Variants in TUBB8B observed in about 807,000 individuals in gnomAD.
TUBB8B encodes tubulin beta 8B.
A neutral mutation model predicts 31.9 loss-of-function variants in TUBB8B; 26 were observed. The ratio of observed to expected loss-of-function variants is 0.81; its 90% CI spans 0.60 to 1.13. The LOEUF (loss-of-function observed/expected upper bound fraction) is 1.13. TUBB8B is among the 50% of genes most tolerant of loss of function. The pLI is 0.00. For synonymous variants in TUBB8B, 173 were observed against 231.0 expected (o/e 0.75, Z 2.28); for missense variants, 467 against 586.7 (o/e 0.80, Z 2.11).
chr18:57,008 C>G, the TUBB8B span, among the ~76,000 whole-genome samples: 2 of 151,804 alleles, frequency 1.3e-5, no homozygotes, highest in African/African-American at 4.8e-5. Context: ...TGATGCCAAA[C>G]TGTTCATGGA....
chr18:57,733 T>C, the TUBB8B span, among the ~76,000 whole-genome samples: 1 of 151,912 alleles, frequency 6.6e-6, no homozygotes, highest in Admixed American at 6.6e-5. Flanking sequence ...ATTTCTTCAC[T>C]GCATTGTTTT....
At chr18:72,177 C>CAAAA in the TUBB8B span, among the ~76,000 whole-genome samples, 31 of 78,714 alleles carry the variant, frequency 3.9e-4, no homozygotes, top group Non-Finnish European at 6.9e-4. Flanking sequence ...GACTCCATCT[C>CAAAA]AAAAAAAAAA....
chr18:58,975 C>A, the TUBB8B span, among the ~76,000 whole-genome samples: 1 of 151,594 alleles, frequency 6.6e-6, no homozygotes, highest in Non-Finnish European at 1.5e-5. Flanking sequence ...AGCAAAAAAA[C>A]AGAGGGGCAA....
upstream of TUBB8B, among the ~76,000 whole-genome samples, chr18:52,913 C>T (rs1388187895): frequency 1.3e-5 from 2 of 151,754 alleles, no homozygotes; most frequent in Non-Finnish European, 2.9e-5. Context: ...TTGGAAGGTG[C>T]AGATGTACTC....
chr18:70,060 G>A, the TUBB8B span, among the ~76,000 whole-genome samples: 2 of 152,092 alleles, frequency 1.3e-5, no homozygotes, highest in South Asian at 2.1e-4. Flanking sequence ...AAGAGGCTGA[G>A]GACGAATTGC....
In TUBB8B at chr18:47,748, A is replaced by C. The variant is rs753736696; in HGVS notation, c.977T>G (p.Val326Gly). 6.2e-7 allele frequency: 1 copy of C among 1,610,956 alleles called. No individual in the cohort carries two copies. The highest frequency in any genetic ancestry group is 8.5e-7 in the Non-Finnish European group (1 of 1,178,726). ...IFRGRMPMREVDEQMFNIQDK... is the reference protein window; with the variant it reads ...IFRGRMPMREGDEQMFNIQDK... The stretch of plus-strand genomic sequence containing the variant: ...TTGAATGTTGAACATTTGTTCATCC[A>C]CCTCCCTCATGGGCATGCGACCCCT... Residue 326 changes from valine to glycine, a missense_variant, in exon 4 of 4, where the codon GTG becomes GGG. Transcript: ENST00000308911.
the TUBB8B span, among the ~76,000 whole-genome samples, chr18:59,709 A>G: frequency 6.6e-6 from 1 of 151,216 alleles, no homozygotes; most frequent in Non-Finnish European, 1.5e-5. Context: ...CCACCTGGCT[A>G]ATTTTTGTAT....
the TUBB8B span, among the ~76,000 whole-genome samples, chr18:57,893 G>A: frequency 3.3e-5 from 5 of 151,944 alleles, no homozygotes; most frequent in Non-Finnish European, 7.4e-5. Context: ...CCATATGAAA[G>A]CTACCAAGGC....
the TUBB8B span, among the ~76,000 whole-genome samples, chr18:73,063 C>T: frequency 1.3e-5 from 2 of 152,094 alleles, no homozygotes. Context: ...ACATCCCCAC[C>T]GCCCGACGGC....
chr18:67,052 G>A, the TUBB8B span, among the ~76,000 whole-genome samples: 1 of 150,396 alleles, frequency 6.6e-6, no homozygotes, highest in Non-Finnish European at 1.5e-5. Flanking sequence ...GTGGAGTGCA[G>A]TGGCAAGATC....
chr18:63,220 G>C, the TUBB8B span, among the ~76,000 whole-genome samples: 2 of 151,744 alleles, frequency 1.3e-5, no homozygotes, highest in East Asian at 3.9e-4. Context: ...GCATTGAAGA[G>C]TTCAGTCTTT....
chr18:69,307 A>C, the TUBB8B span, among the ~76,000 whole-genome samples: 53 of 151,432 alleles, frequency 3.5e-4, no homozygotes, highest in African/African-American at 1.2e-3. Context: ...TACAAAAAAA[A>C]ACAAAAATTA....
chr18:63,081 A>G, the TUBB8B span, among the ~76,000 whole-genome samples: 1 of 151,746 alleles, frequency 6.6e-6, no homozygotes, highest in Non-Finnish European at 1.5e-5. Context: ...GCTATTTAGG[A>G]TTTCCTGCAT....
At chr18:49,420 G>T (rs1265193827) in intron 1 of TUBB8B, 81 bp downstream of exon 1, 34 of 887,572 alleles carry the variant, frequency 3.8e-5, no homozygotes, top group Non-Finnish European at 6.1e-5. Context: ...GCAATGCAGG[G>T]GCACCGCTCC....
upstream of TUBB8B, among the ~76,000 whole-genome samples, chr18:52,435 C>G (rs200911640): frequency 6.6e-6 from 1 of 151,086 alleles, no homozygotes; most frequent in Non-Finnish European, 1.5e-5. Flanking sequence ...GGCCTCTAAC[C>G]CTGTGGGCTT....
chr18:68,352 T>A, the TUBB8B span, among the ~76,000 whole-genome samples: 3 of 152,144 alleles, frequency 2.0e-5, no homozygotes, highest in African/African-American at 7.2e-5. Flanking sequence ...AATCAGGAAA[T>A]GCAAGGTCTC....
At chr18:57,222 C>T in the TUBB8B span, among the ~76,000 whole-genome samples, 14,275 of 151,714 alleles carry the variant, frequency 0.094, 1,262 homozygotes, top group East Asian at 0.45. Context: ...TCATTTCAGC[C>T]TTAACTCAAA....
rs1905686366 is a variant in TUBB8B, at chr18:47,612, A to C, written c.1113T>G (p.Asn371Lys). 1 of 1,612,442 alleles carries C rather than the reference A, an allele frequency of 6.2e-7. No individual in the cohort carries two copies. ...LKMSATFIGNNAAIQELFTCV... is the reference protein window; with the variant it reads ...LKMSATFIGNKAAIQELFTCV... ...ATGTGAAGAGTTCCTGGATGGCCGCATTATTCCCAATGAAGGTGGCTGACA... is the reference window on the plus strand; with the variant it reads ...ATGTGAAGAGTTCCTGGATGGCCGCCTTATTCCCAATGAAGGTGGCTGACA... The change falls in exon 4 of 4, where the codon AAT becomes AAG. Residue 371 changes from asparagine to lysine, a missense_variant. Coordinates refer to ENST00000308911, the MANE Select transcript of TUBB8B (RefSeq NM_001358689.2).
At chr18:67,926 C>G in the TUBB8B span, among the ~76,000 whole-genome samples, 1 of 152,130 alleles carries the variant, frequency 6.6e-6, no homozygotes, top group South Asian at 2.1e-4. Context: ...ATATGATGCA[C>G]ACAATACAGA....
Sources: allele counts gnomAD v4.1 joint callset (sites outside exome capture counted in the v4.1 genomes callset), GRCh38; gene constraint gnomAD v4.1.1; transcripts MANE v1.5; gene names NCBI Gene and HGNC (gene_info 2026-07-23, HGNC 2026-07-21).